The following ACOXL variants were observed in gnomAD, a reference collection of about 807,000 sequenced individuals.
ACOXL encodes the protein acyl-CoA oxidase like.
ACOXL carries 70 observed loss-of-function variants against 71.9 expected under a neutral mutation model. That is an observed-to-expected ratio of 0.97 (90% CI 0.80 to 1.19). The LOEUF is 1.19. Among genes scored for constraint, ACOXL ranks in the 50% most tolerant of loss-of-function variants. ACOXL has a pLI of 0.00. For synonymous variants in ACOXL, 253 were observed against 281.6 expected (o/e 0.90, Z 1.02); for missense variants, 703 against 736.3 (o/e 0.95, Z 0.52).
chr2:110,970,130 A>G (rs1412636545), intron 12 of ACOXL, among the ~76,000 whole-genome samples: 1 of 152,150 alleles, frequency 6.6e-6, no homozygotes, highest in Non-Finnish European at 1.5e-5. Context: ...CTCCTTGATT[A>G]TTTTAGAAGG....
chr2:110,814,903 A>G (rs1341479094), intron 9 of ACOXL, among the ~76,000 whole-genome samples: 1 of 152,180 alleles, frequency 6.6e-6, no homozygotes, highest in Non-Finnish European at 1.5e-5. Flanking sequence ...TTTGTCCTGG[A>G]ATTTCTAATT....
chr2:110,857,794 C>T (rs1457844019), intron 10 of ACOXL, among the ~76,000 whole-genome samples: 6 of 152,004 alleles, frequency 3.9e-5, no homozygotes, highest in Admixed American at 1.3e-4. Context: ...GGCCTGATCT[C>T]GGCTCACTGC....
intron 1 of ACOXL, among the ~76,000 whole-genome samples, chr2:110,745,627 TCTA>T (rs1678101062): frequency 6.6e-6 from 1 of 152,216 alleles, no homozygotes; most frequent in African/African-American, 2.4e-5. Context: ...TAGTGGGGGT[TCTA>T]CTACCTTCCT....
At chr2:110,917,063 C>T (rs1418679592) in intron 11 of ACOXL, among the ~76,000 whole-genome samples, 1 of 152,162 alleles carries the variant, frequency 6.6e-6, no homozygotes, top group African/African-American at 2.4e-5. Flanking sequence ...TTTATGAGGC[C>T]AGCATCATCC....
Position 110,799,031 on chromosome 2 carries a change from G to T in ACOXL, c.478G>T (p.Val160Phe). Reference sequence around the variant, plus strand: ...TTCCTTAGGGCCCCACTGTTTCATCGTTCCTGTCCGGGATGAAAACGGAAG... The same window carrying T: ...TTCCTTAGGGCCCCACTGTTTCATCTTTCCTGTCCGGGATGAAAACGGAAG... ...GRSQGPHCFIVPVRDENGSLY... is the reference protein window; with the variant it reads ...GRSQGPHCFIFPVRDENGSLY... The change falls in exon 7 of 18, where the codon GTT becomes TTT. Residue 160 changes from valine (V) to phenylalanine (F), a missense_variant. Val to Phe is a conservative substitution (Grantham distance 50). Coordinates refer to ENST00000439055, the MANE Select transcript of ACOXL (RefSeq NM_001142807.4). The T allele has an allele frequency of 6.2e-7, 1 of 1,613,838 alleles. No homozygotes were observed. The highest frequency in any genetic ancestry group is 1.7e-5 in the Admixed American group (1 of 59,986).
chr2:110,948,580 C>T (rs757262707), intron 12 of ACOXL, among the ~76,000 whole-genome samples: 6 of 151,862 alleles, frequency 4.0e-5, no homozygotes, highest in Non-Finnish European at 8.8e-5. Context: ...CCTGTGGCCT[C>T]TGTTCCTGCT....
intron 12 of ACOXL, among the ~76,000 whole-genome samples, chr2:110,971,474 T>C (rs772796989): frequency 6.4e-4 from 98 of 152,236 alleles, no homozygotes; most frequent in Non-Finnish European, 1.3e-3. Flanking sequence ...GTTACATTCA[T>C]GCAAATGCTA....
intron 5 of ACOXL, among the ~76,000 whole-genome samples, chr2:110,795,105 G>C (rs1185588230): frequency 1.3e-5 from 2 of 152,210 alleles, no homozygotes; most frequent in Non-Finnish European, 2.9e-5. Flanking sequence ...GTGCAAGCAC[G>C]TGCCCGAGCG....
intron 12 of ACOXL, among the ~76,000 whole-genome samples, chr2:110,964,173 A>G (rs1179828678): frequency 6.6e-6 from 1 of 152,150 alleles, no homozygotes; most frequent in Admixed American, 6.5e-5. Flanking sequence ...GTCCCTTTGC[A>G]TGTTGCTGTT....
chr2:111,025,464 T>C (rs527526563), intron 14 of ACOXL, among the ~76,000 whole-genome samples: 4 of 152,236 alleles, frequency 2.6e-5, no homozygotes, highest in Non-Finnish European at 5.9e-5. Flanking sequence ...TTTTAGTTGC[T>C]CCACATCCTC....
intron 9 of ACOXL, among the ~76,000 whole-genome samples, chr2:110,813,275 G>A (rs886504511): frequency 1.3e-5 from 2 of 152,224 alleles, no homozygotes; most frequent in African/African-American, 2.4e-5. Context: ...CTCCCTTTAA[G>A]TAAGTCATCA....
chr2:111,044,050 G>A (rs1214891553), intron 15 of ACOXL, among the ~76,000 whole-genome samples: 2 of 152,160 alleles, frequency 1.3e-5, no homozygotes, highest in Non-Finnish European at 2.9e-5. Context: ...AATCTACTCT[G>A]CCCTCCTGCC....
At chr2:111,017,876 C>G (rs935878206) in intron 14 of ACOXL, 6 of 152,160 alleles carry the variant, frequency 3.9e-5, no homozygotes, top group African/African-American at 1.4e-4. Context: ...TGTTTCGCTC[C>G]TTACTGGCAG....
intron 10 of ACOXL, among the ~76,000 whole-genome samples, chr2:110,873,762 G>T (rs1412128288): frequency 6.6e-6 from 1 of 152,210 alleles, no homozygotes; most frequent in Non-Finnish European, 1.5e-5. Context: ...CTCCCAGAGT[G>T]TATCTGTTCA....
chr2:110,767,278 G>A (rs892598319), intron 1 of ACOXL, among the ~76,000 whole-genome samples: 5 of 152,214 alleles, frequency 3.3e-5, no homozygotes, highest in Admixed American at 1.3e-4. Context: ...GCACCAAGGT[G>A]GGGCTAGATG....
chr2:110,888,300 A>G (rs2149130974), intron 10 of ACOXL, among the ~76,000 whole-genome samples: 1 of 152,324 alleles, frequency 6.6e-6, no homozygotes, highest in Admixed American at 6.5e-5. Flanking sequence ...GACTTCATGC[A>G]AATGATTTGG....
chr2:111,087,381 C>T (rs1264681394), intron 16 of ACOXL, among the ~76,000 whole-genome samples: 3 of 152,166 alleles, frequency 2.0e-5, no homozygotes, highest in Non-Finnish European at 2.9e-5. Flanking sequence ...TTGGAGGCAT[C>T]ATATTACTCA....
intron 10 of ACOXL, among the ~76,000 whole-genome samples, chr2:110,860,920 C>T (rs752651279): frequency 7.9e-5 from 12 of 152,162 alleles, no homozygotes; most frequent in Admixed American, 2.0e-4. Context: ...CTGCTGGAAG[C>T]GAGTGTTACT....
At chr2:110,868,888 G>A (rs1324013512) in intron 10 of ACOXL, among the ~76,000 whole-genome samples, 1 of 152,200 alleles carries the variant, frequency 6.6e-6, no homozygotes, top group East Asian at 1.9e-4. Flanking sequence ...ACTGCTTCCA[G>A]CCTGGAGTTT....
Sources: gnomAD v4.1 joint callset for allele counts (sites outside exome capture counted in the v4.1 genomes callset) on GRCh38, gnomAD v4.1.1 for gene constraint, MANE v1.5 for transcripts, NCBI Gene and HGNC (gene_info 2026-07-23, HGNC 2026-07-21) for gene names.